SYT9: variants seen among roughly 807,000 people sequenced by gnomAD.
SYT9 encodes the protein synaptotagmin 9, also known as synaptotagmin-9.
A neutral mutation model predicts 48.4 loss-of-function variants in SYT9; 22 were observed. The observed-to-expected ratio is 0.45, with a 90% confidence interval of 0.32 to 0.65. The LOEUF is 0.65. SYT9 is among the 30% of genes least tolerant of loss of function. The pLI, the probability that SYT9 is intolerant of heterozygous loss-of-function variation, is 0.03. For missense variants in SYT9, 577 were observed against 622.0 expected (o/e 0.93, Z 0.77); for synonymous variants, 265 against 245.0 (o/e 1.08, Z -0.76).
chr11:7,318,194 C>T (rs1442200032), intron 3 of SYT9, among the ~76,000 whole-genome samples: 2 of 152,074 alleles, frequency 1.3e-5, no homozygotes, highest in Non-Finnish European at 2.9e-5. Flanking sequence ...TTGCTAGGTA[C>T]ATTACTTTTT....
At chr11:7,452,892 C>A (rs904361741) in intron 6 of SYT9, among the ~76,000 whole-genome samples, 1 of 152,050 alleles carries the variant, frequency 6.6e-6, no homozygotes, top group South Asian at 2.1e-4. Context: ...AAATGATTCT[C>A]CTGCCTCAGC....
intron 6 of SYT9, among the ~76,000 whole-genome samples, chr11:7,458,349 C>T (rs980916687): frequency 2.0e-5 from 3 of 152,050 alleles, no homozygotes; most frequent in Non-Finnish European, 2.9e-5. Context: ...GGCATGGTGG[C>T]GGTCGCCTGT....
intron 6 of SYT9, among the ~76,000 whole-genome samples, chr11:7,426,555 C>T (rs1847462106): frequency 6.6e-6 from 1 of 152,202 alleles, no homozygotes; most frequent in Non-Finnish European, 1.5e-5. Flanking sequence ...TCACAGGCAT[C>T]TTCTTCATGC....
intron 1 of SYT9, among the ~76,000 whole-genome samples, chr11:7,265,316 T>TA (rs1346130887): frequency 6.6e-6 from 1 of 152,118 alleles, no homozygotes; most frequent in African/African-American, 2.4e-5. Flanking sequence ...GGGAAGAAGT[T>TA]ACTGGAAATA....
At chr11:7,300,462 G>A (rs1279190030) in intron 1 of SYT9, among the ~76,000 whole-genome samples, 1 of 152,146 alleles carries the variant, frequency 6.6e-6, no homozygotes, top group African/African-American at 2.4e-5. Context: ...TGGGATTTAT[G>A]CTTCTCCCTT....
At chr11:7,263,857 C>A (rs1172465932) in intron 1 of SYT9, among the ~76,000 whole-genome samples, 4 of 150,036 alleles carry the variant, frequency 2.7e-5, no homozygotes, top group African/African-American at 9.7e-5. Context: ...AGAGTATAAG[C>A]CATTTTTTGG....
intron 3 of SYT9, among the ~76,000 whole-genome samples, chr11:7,387,099 G>A (rs1191716483): frequency 1.3e-5 from 2 of 152,154 alleles, no homozygotes. Context: ...ATTGAACAAT[G>A]AGAACACATG....
chr11:7,395,779 G>T (rs978127727), intron 3 of SYT9, among the ~76,000 whole-genome samples: 31 of 151,324 alleles, frequency 2.0e-4, no homozygotes, highest in Non-Finnish European at 4.1e-4. Flanking sequence ...AGTGGCTTTT[G>T]TTTTTTTTAT....
Position 7,369,037 on chromosome 11 carries a change from A to G in SYT9, c.1045-47005A>G, listed in dbSNP as rs139678052. The stretch of plus-strand genomic sequence containing the variant: ...AAGATCAAATGGTATTTGTGGTTCT[A>G]AAACCTTGAGGAATTGCCACCCTGT... On this transcript the variant is annotated intron_variant, in intron 3 of 6. Transcript: ENST00000318881. 3.9e-3 allele frequency among the ~76,000 whole-genome samples: 597 copies of G among 152,322 alleles called. 5 individuals are homozygous for G. The highest frequency in any genetic ancestry group is 0.014 in the African/African-American group (571 of 41,578).
rs750844067 is a variant in SYT9 at position 7,466,960 on chromosome 11, T to C, written c.*160T>C. The stretch of plus-strand genomic sequence containing the variant: ...ACTGGCCTTCTTTCCAGATTGGGTT[T>C]GGTGAACCTGAATGGTCCAGCCACC... On this transcript the variant is annotated 3_prime_UTR_variant, in exon 7 of 7. Coordinates refer to ENST00000318881, the MANE Select transcript of SYT9 (RefSeq NM_175733.4). 38 of 891,344 alleles carry C rather than the reference T, an allele frequency of 4.3e-5. No individual in the cohort carries two copies. The highest frequency in any genetic ancestry group is 6.1e-5 in the Non-Finnish European group (35 of 569,110). 55.2% of individuals were successfully genotyped at this position (891,344 alleles called of 1,614,324 possible).
At chr11:7,347,234 A>G (rs1849815171) in intron 3 of SYT9, among the ~76,000 whole-genome samples, 1 of 94,596 alleles carries the variant, frequency 1.1e-5, no homozygotes, top group African/African-American at 3.7e-5. Flanking sequence ...TTTCATCAAA[A>G]TATTTTTTTT....
At position 7,270,523 on chromosome 11, in the gene SYT9, A is replaced by T. The variant is rs1848274950; in HGVS notation, c.145+18192A>T. Among the ~76,000 whole-genome samples, 8 of 152,186 alleles carry T rather than the reference A, an allele frequency of 5.3e-5. No homozygotes were observed. The South Asian group carries it at 1.5e-3, about 28-fold the overall frequency. ...CTAAATGCTAATCAGTGAATTTCAAATTCTAGAAAAAAAATTGCATGTTTT... is the reference window on the plus strand; with the variant it reads ...CTAAATGCTAATCAGTGAATTTCAATTTCTAGAAAAAAAATTGCATGTTTT... On this transcript the variant is annotated intron_variant, in intron 1 of 6. Transcript: ENST00000318881.
upstream of SYT9, among the ~76,000 whole-genome samples, chr11:7,247,572 C>CGTGTATATATACGTAT (rs1564834819): frequency 7.0e-6 from 1 of 142,534 alleles, no homozygotes; most frequent in African/African-American, 2.6e-5. Context: ...CATATATACA[C>CGTGTATATATACGTAT]ATATACATAT....
intron 3 of SYT9, among the ~76,000 whole-genome samples, chr11:7,392,316 C>G (rs1265022911): frequency 2.0e-5 from 3 of 151,886 alleles, no homozygotes; most frequent in Non-Finnish European, 1.5e-5. Context: ...TTTTTTTCTT[C>G]TGCATATGGT....
At chr11:7,289,279 T>C (rs908218832) in intron 1 of SYT9, among the ~76,000 whole-genome samples, 11 of 152,172 alleles carry the variant, frequency 7.2e-5, no homozygotes, top group African/African-American at 1.4e-4. Context: ...ACTTGGTTTA[T>C]CATAGAAACA....
intron 1 of SYT9, among the ~76,000 whole-genome samples, chr11:7,241,741 T>G (rs1847742495): frequency 1.3e-5 from 2 of 152,366 alleles, no homozygotes; most frequent in Middle Eastern, 3.4e-3. Context: ...AAGCTGTGTA[T>G]AATTCATTTC....
intron 3 of SYT9, among the ~76,000 whole-genome samples, chr11:7,383,438 TACTGAGGGTGCA>T (rs1850601709): frequency 1.3e-5 from 2 of 152,186 alleles, no homozygotes; most frequent in African/African-American, 4.8e-5. Context: ...GAAGCTGGGC[TACTGAGGGTGCA>T]ACACATATCC....
chr11:7,280,713 A>G (rs1848477626), intron 1 of SYT9, among the ~76,000 whole-genome samples: 1 of 152,218 alleles, frequency 6.6e-6, no homozygotes, highest in African/African-American at 2.4e-5. Flanking sequence ...GTAGTGCATC[A>G]ATATCTGGTA....
At chr11:7,321,610 T>G (rs1034558415) in intron 3 of SYT9, among the ~76,000 whole-genome samples, 1 of 152,192 alleles carries the variant, frequency 6.6e-6, no homozygotes, top group African/African-American at 2.4e-5. Flanking sequence ...GGCAACTCAG[T>G]AATGTTTGAC....
Sources: gnomAD v4.1 joint callset for allele counts (sites outside exome capture counted in the v4.1 genomes callset) on GRCh38, gnomAD v4.1.1 for gene constraint, MANE v1.5 for transcripts, NCBI Gene and HGNC (gene_info 2026-07-23, HGNC 2026-07-21) for gene names.